DACT1: variants seen among roughly 807,000 people sequenced by gnomAD.
The protein encoded by DACT1 is dishevelled binding antagonist of beta catenin 1, also known as dapper homolog 1.
A neutral mutation model predicts 35.3 loss-of-function variants in DACT1; 19 were observed. The observed-to-expected ratio is 0.54, with a 90% CI of 0.38 to 0.79. DACT1 has a LOEUF of 0.79. Among genes scored for constraint, DACT1 ranks in the 30% least tolerant of loss-of-function variants. The pLI is 0.00. For missense variants in DACT1, 1,143 were observed against 1,057.5 expected, an observed-to-expected ratio of 1.08 and a Z score of -1.12; for synonymous variants, 545 against 466.7, an observed-to-expected ratio of 1.17 and a Z score of -2.16.
Position 58,638,227 on chromosome 14 carries a change from G to A in DACT1, c.25G>A (p.Ala9Thr). ...CATGAAGCCGAGTCCGGCCGGGACG[G>A]CGAAGGAGCTGGAGCCTCCGGCGCC... MKPSPAGT[A>T]KELEPPAPAR... The change falls in exon 1 of 4, where the codon GCG becomes ACG. Residue 9 changes from alanine (A) to threonine (T), a missense_variant. Physicochemically the swap from Ala to Thr is moderately conservative, Grantham distance 58 (BLOSUM62 0). Transcript: ENST00000395153. 7.4e-7 allele frequency: 1 copy of A among 1,353,048 alleles called. No individual in the cohort carries two copies. 83.8% of individuals were successfully genotyped at this position (1,353,048 alleles called of 1,614,324 possible). A position where few individuals can be genotyped will look rare whatever the true frequency, so the allele number is the denominator to read the frequency against.
chr14:58,640,800 G>A lies in DACT1; in HGVS notation c.410G>A (p.Ser137Asn). Reference sequence around the variant, plus strand: ...TTGCAAGAGCTTGACAAGCAGATAAGTGACCTGAGACTGGATGTAGAAAAG... The same window carrying A: ...TTGCAAGAGCTTGACAAGCAGATAAATGACCTGAGACTGGATGTAGAAAAG... Reference protein sequence around the residue: ...NQLQELDKQISDLRLDVEKTS... With the variant: ...NQLQELDKQINDLRLDVEKTS... Residue 137 changes from serine (S) to asparagine (N), a missense_variant, in exon 2 of 4, where the codon AGT becomes AAT. Transcript: ENST00000395153. The A allele has an allele frequency of 6.2e-7, 1 of 1,614,152 alleles. No individual in the cohort carries two copies. Among genetic ancestry groups the A allele is most frequent in the Non-Finnish European group, 8.5e-7 (1 of 1,180,024 alleles).
At chr14:58,638,796 G>C in intron 1 of DACT1, 4 of 1,182,262 alleles carry the variant, frequency 3.4e-6, no homozygotes, top group Non-Finnish European at 4.2e-6. Flanking sequence ...GCGGGAAGGG[G>C]GTGGCCGCTC....
chr14:58,640,963 G>A (rs2047621451), intron 2 of DACT1, 95 bp downstream of exon 2: 1 of 1,403,316 alleles, frequency 7.1e-7, no homozygotes, highest in Non-Finnish European at 9.9e-7. Flanking sequence ...TGGCAATGGA[G>A]TTTGTTTCCA....
In DACT1 at chr14:58,638,160, C is replaced by T; in HGVS notation, c.-43C>T. ...CTAGCGCCCTGCTCCTCCGCCTGGG[C>T]GGCCCGGCTGCGGTGACGGCTCTCG... On this transcript the variant is annotated 5_prime_UTR_variant, in exon 1 of 4. Coordinates refer to ENST00000395153, the MANE Select transcript of DACT1 (RefSeq NM_001079520.2). 2 of 1,263,662 alleles carry T rather than the reference C, an allele frequency of 1.6e-6. No individual in the cohort carries two copies. The highest frequency in any genetic ancestry group is 2.0e-6 in the Non-Finnish European group (2 of 1,004,856). 78.3% of individuals were successfully genotyped at this position (1,263,662 alleles called of 1,614,324 possible).
chr14:58,645,300 AC>A (rs1160846708), intron 3 of DACT1, 68 bp from the exon 4 acceptor site: 1 of 1,614,078 alleles, frequency 6.2e-7, no homozygotes, highest in Non-Finnish European at 8.5e-7. Context: ...CACTGTGAAG[AC>A]CAGGCCTCAG....
intron 1 of DACT1, among the ~76,000 whole-genome samples, chr14:58,639,939 T>C (rs1238129312): frequency 6.6e-6 from 1 of 152,274 alleles, no homozygotes; most frequent in Non-Finnish European, 1.5e-5. Context: ...CGCATTCCTA[T>C]TGTCCGCTTG....
chr14:58,644,223 G>A (rs2047652322), intron 3 of DACT1, among the ~76,000 whole-genome samples: 1 of 152,054 alleles, frequency 6.6e-6, no homozygotes, highest in Admixed American at 6.5e-5. Flanking sequence ...ACATTTTCAA[G>A]ATATGGGAAA....
In DACT1 at chr14:58,646,682, T is replaced by G; in HGVS notation, c.1948T>G (p.Tyr650Asp). The G allele has an allele frequency of 6.2e-7, 1 of 1,612,790 alleles. No homozygotes were observed. Among genetic ancestry groups the G allele is most frequent in the Non-Finnish European group, 8.5e-7 (1 of 1,179,842 alleles). ...RRWKSSAEISYEEALRRARRG... is the reference protein window; with the variant it reads ...RRWKSSAEISDEEALRRARRG... ...GTGGAAGTCCTCGGCCGAGATTTCCTACGAAGAGGCCCTGAGGAGGGCCCG... is the reference window on the plus strand; with the variant it reads ...GTGGAAGTCCTCGGCCGAGATTTCCGACGAAGAGGCCCTGAGGAGGGCCCG... The change falls in exon 4 of 4, where the codon TAC becomes GAC. Residue 650 changes from tyrosine to aspartate, a missense_variant. By Grantham distance (160) the Tyr-to-Asp change is radical. This residue lies in a region of DACT1 where 1,054 missense variants were observed against 958.8 expected (regional missense o/e 1.10). Transcript: ENST00000395153.
At chr14:58,634,565 C>T (rs549253523), upstream of DACT1, among the ~76,000 whole-genome samples, 3 of 152,132 alleles carry the variant, frequency 2.0e-5, no homozygotes, top group Non-Finnish European at 4.4e-5. Context: ...TGATCCCAGA[C>T]CCTCGAATGG....
chr14:58,646,439 C>T lies in DACT1; in HGVS notation c.1705C>T (p.Arg569Trp), dbSNP rs768354577. 8 of 1,589,768 alleles carry T rather than the reference C, an allele frequency of 5.0e-6. No homozygotes were observed. The highest frequency in any genetic ancestry group is 1.7e-4 in the Middle Eastern group (1 of 6,028). The change falls in exon 4 of 4, where the codon CGG (arginine) becomes TGG (tryptophan). Residue 569 changes from arginine to tryptophan, a missense_variant. Physicochemically the swap from Arg to Trp is moderately radical, Grantham distance 101. Coordinates refer to ENST00000395153, the MANE Select transcript of DACT1 (RefSeq NM_001079520.2). ...NGLPTVREKT[R>W]AGSKKCRFPD... is the part of the protein sequence containing the mutation. ...CTTGCCCACCGTCAGGGAGAAAACG[C>T]GGGCCGGGAGCAAGAAGTGTCGCTT...
intron 3 of DACT1, among the ~76,000 whole-genome samples, chr14:58,643,461 A>G (rs937571444): frequency 1.3e-5 from 2 of 152,200 alleles, no homozygotes; most frequent in Non-Finnish European, 2.9e-5. Context: ...TGAGGGAGCT[A>G]ATTGGCTGGT....
chr14:58,640,696 C>T (rs1389161716), intron 1 of DACT1, 40 bp from the exon 2 acceptor site: 8 of 1,611,842 alleles, frequency 5.0e-6, no homozygotes, highest in Admixed American at 1.7e-5. Flanking sequence ...TCTTTTGTCA[C>T]CCCTGTATGT....
At chr14:58,639,066 C>G in intron 1 of DACT1, 2 of 985,412 alleles carry the variant, frequency 2.0e-6, no homozygotes, top group Non-Finnish European at 2.4e-6. Flanking sequence ...CGTGCCTCTC[C>G]GAGAGCTCTC....
intron 1 of DACT1, 104 bp downstream of exon 1, chr14:58,638,651 C>G (rs1457836444): frequency 8.1e-7 from 1 of 1,236,968 alleles, no homozygotes; most frequent in African/African-American, 1.6e-5. Flanking sequence ...TGGGGAGATG[C>G]TCGCTGTTAT....
rs1348252513 is a variant in DACT1 at position 58,647,986 on chromosome 14, C to T, written c.*852C>T. The T allele has an allele frequency of 1.8e-5, 3 of 167,062 alleles. No individual in the cohort carries two copies. Among genetic ancestry groups the T allele is most frequent in the East Asian group, 1.9e-4 (1 of 5,202 alleles). The allele number at this position is 167,062 out of a possible 1,614,324, so 10.3% of individuals were successfully genotyped here. ...TCCAATCCCAGAATTGCTCACTGAGCGCTATGCCACCGAAGCGTTGACCTG... is the reference window on the plus strand; with the variant it reads ...TCCAATCCCAGAATTGCTCACTGAGTGCTATGCCACCGAAGCGTTGACCTG... On this transcript the variant is annotated 3_prime_UTR_variant, in exon 4 of 4. Transcript: ENST00000395153.
rs143338997 is a variant in DACT1, at chr14:58,643,770, T to G, written c.635-1599T>G. 4.4e-3 allele frequency among the ~76,000 whole-genome samples: 665 copies of G among 152,102 alleles called. 12 individuals are homozygous for G. In the East Asian group the frequency reaches 0.048, roughly 11 times the overall value. On this transcript the variant is annotated intron_variant, in intron 3 of 3. Transcript: ENST00000395153. ...GAGGGAAAAGGGATGAATAGTGAAG[T>G]GTTTGTCAGTGTGGCTTTAAGTAAG... is the stretch of plus-strand genomic sequence containing the variant.
In DACT1 at chr14:58,646,052, G is replaced by C; in HGVS notation, c.1318G>C (p.Glu440Gln). ...CATTGGGACAGGGGAGTCCCCTAAG[G>C]AAAGCGCTCAGCTCTCAGGGGCCTC... Reference protein sequence around the residue: ...SAIGTGESPKESAQLSGASPK... With the variant: ...SAIGTGESPKQSAQLSGASPK... Residue 440 changes from glutamate (E) to glutamine (Q), a missense_variant, in exon 4 of 4, where the codon GAA becomes CAA. Around this residue, in one of 3 missense-constraint regions of DACT1, gnomAD observed 1,054 missense variants for 958.8 expected, o/e 1.10. Transcript: ENST00000395153. 6.2e-7 allele frequency: 1 copy of C among 1,614,010 alleles called. No homozygotes were observed. Among genetic ancestry groups the C allele is most frequent in the Non-Finnish European group, 8.5e-7 (1 of 1,179,984 alleles).
At chr14:58,637,905 C>T (rs1327686400), upstream of DACT1, among the ~76,000 whole-genome samples, 10 of 151,004 alleles carry the variant, frequency 6.6e-5, no homozygotes, top group East Asian at 2.0e-3. Context: ...CGCGGGGAGG[C>T]GGGCGCCAGG....
rs777893829 is a variant in DACT1 at position 58,646,758 on chromosome 14, C to A, written c.2024C>A (p.Pro675His). 1 of 1,613,934 alleles carries A rather than the reference C, an allele frequency of 6.2e-7. No individual in the cohort carries two copies. Among genetic ancestry groups the A allele is most frequent in the Non-Finnish European group, 8.5e-7 (1 of 1,180,032 alleles). Reference sequence around the variant, plus strand: ...CTGTACCCCGCGCCTGTGCCTCTGCCCTACGCCAGCCCCTACGCCTACGTG... The same window carrying A: ...CTGTACCCCGCGCCTGTGCCTCTGCACTACGCCAGCCCCTACGCCTACGTG... The part of the protein sequence containing the change: ...VGLYPAPVPL[P>H]YASPYAYVAS... The change falls in exon 4 of 4, where the codon CCC (proline) becomes CAC (histidine). Residue 675 changes from proline (P) to histidine (H), a missense_variant. Pro to His is a moderately conservative substitution (Grantham distance 77). This residue lies in a region of DACT1 where 1,054 missense variants were observed against 958.8 expected (regional missense o/e 1.10). Transcript: ENST00000395153.
Sources: gnomAD v4.1 joint callset for allele counts (sites outside exome capture counted in the v4.1 genomes callset) on GRCh38, gnomAD v4.1.1 for gene constraint, gnomAD v4.1.1 regional missense constraint, MANE v1.5 for transcripts, NCBI Gene and HGNC (gene_info 2026-07-23, HGNC 2026-07-21) for gene names.